The following MYT1L variants were observed in gnomAD, a reference collection of about 807,000 sequenced individuals.
MYT1L encodes myelin transcription factor 1-like protein.
In MYT1L, 12 loss-of-function variants were observed where a neutral mutation model predicts 126.7. That is an observed-to-expected ratio of 0.09 (90% confidence interval 0.06 to 0.15). The LOEUF is 0.15. Ranked by LOEUF, MYT1L falls within the 10% of genes least tolerant of loss-of-function variation. The pLI, the probability that MYT1L is intolerant of heterozygous loss-of-function variation, is 1.00. For missense variants in MYT1L, 979 were observed against 1,585.2 expected, an observed-to-expected ratio of 0.62 and a Z score of 6.49; for synonymous variants, 541 against 604.2, an observed-to-expected ratio of 0.90 and a Z score of 1.53.
chr2:1,970,417 A>G (rs2059722074), intron 8 of MYT1L, among the ~76,000 whole-genome samples: 1 of 152,112 alleles, frequency 6.6e-6, no homozygotes, highest in Admixed American at 6.5e-5. Context: ...GGACTCTCAT[A>G]CTTTCAGCCC....
chr2:2,020,888 C>T (rs140586239), intron 4 of MYT1L, among the ~76,000 whole-genome samples: 1 of 152,182 alleles, frequency 6.6e-6, no homozygotes, highest in Non-Finnish European at 1.5e-5. Flanking sequence ...AAAACAGGAA[C>T]CTGACCCAGT....
At chr2:1,976,214 T>G (rs1415757701) in intron 8 of MYT1L, among the ~76,000 whole-genome samples, 3 of 151,884 alleles carry the variant, frequency 2.0e-5, no homozygotes, top group Admixed American at 2.0e-4. Context: ...GGTGTCCTAT[T>G]CCCATCAGGA....
intron 21 of MYT1L, 47 bp downstream of exon 21, chr2:1,839,102 C>G: frequency 1.3e-6 from 2 of 1,526,308 alleles, no homozygotes; most frequent in Non-Finnish European, 1.8e-6. Context: ...CCAGTCGGCT[C>G]TCGGCGGCAC....
intron 8 of MYT1L, among the ~76,000 whole-genome samples, chr2:1,963,684 GAC>G (rs2059132206): frequency 6.6e-6 from 1 of 152,238 alleles, no homozygotes; most frequent in Non-Finnish European, 1.5e-5. Flanking sequence ...AAGTTATGGA[GAC>G]AGATTCTTCC....
intron 3 of MYT1L, among the ~76,000 whole-genome samples, chr2:2,144,498 C>T (rs1360527720): frequency 6.6e-6 from 1 of 152,218 alleles, no homozygotes; most frequent in Non-Finnish European, 1.5e-5. Flanking sequence ...TGTGCAGAAT[C>T]CCTGCCCCTG....
chr2:2,007,011 A>C (rs1381087037), intron 4 of MYT1L, among the ~76,000 whole-genome samples: 1 of 152,060 alleles, frequency 6.6e-6, no homozygotes, highest in African/African-American at 2.4e-5. Flanking sequence ...GCAGGATTGC[A>C]TTCTTCTTAA....
At chr2:2,178,655 C>A (rs2091091247) in intron 2 of MYT1L, among the ~76,000 whole-genome samples, 1 of 152,152 alleles carries the variant, frequency 6.6e-6, no homozygotes. Context: ...GGACTTATCA[C>A]CAAGGCAGAC....
rs529708645 is a variant in MYT1L at position 1,943,716 on chromosome 2, T to C, written c.153-382A>G. 1.9e-4 allele frequency among the ~76,000 whole-genome samples: 29 copies of C among 152,334 alleles called. No individual in the cohort carries two copies. The highest frequency in any genetic ancestry group is 1.2e-3 in the South Asian group (6 of 4,826). On this transcript the variant is annotated intron_variant, in intron 8 of 24. Coordinates refer to ENST00000647738, the MANE Select transcript of MYT1L (RefSeq NM_001303052.2). The surrounding 1 kb of genome is among the most constrained non-coding windows in gnomAD (Gnocchi z 4.4). ...TACCAAATATATACTATGTATAATA[T>C]ACATCTGAAGCAAGATTTATTTTAA... is the stretch of plus-strand genomic sequence containing the variant.
intron 15 of MYT1L, among the ~76,000 whole-genome samples, chr2:1,891,791 C>T (rs775631284): frequency 1.2e-4 from 19 of 152,348 alleles, no homozygotes; most frequent in Non-Finnish European, 1.8e-4. Context: ...GATCCATTCA[C>T]GCACGTTCAT....
intron 3 of MYT1L, among the ~76,000 whole-genome samples, chr2:2,111,388 G>C (rs2079437366): frequency 6.6e-6 from 1 of 152,214 alleles, no homozygotes; most frequent in African/African-American, 2.4e-5. Context: ...TGCTCCTCCA[G>C]AGATGGACGA....
At chr2:2,099,657 C>T (rs1389188284) in intron 3 of MYT1L, among the ~76,000 whole-genome samples, 1 of 152,188 alleles carries the variant, frequency 6.6e-6, no homozygotes, top group East Asian at 1.9e-4. Context: ...ATTTTAAGCT[C>T]TGGTTAAAAT....
rs1159042862 is a variant in MYT1L, at chr2:1,810,078, G to A, written c.3081-911C>T. On this transcript the variant is annotated intron_variant, in intron 21 of 24. Transcript: ENST00000647738. ...AGTCCTCACTGTGCTAAAGGCCAGGGGCCATCTGGCACTTAACTATGGGTG... is the reference window on the plus strand; with the variant it reads ...AGTCCTCACTGTGCTAAAGGCCAGGAGCCATCTGGCACTTAACTATGGGTG... 3 of 151,986 alleles carry A rather than the reference G, an allele frequency of 2.0e-5. No individual in the cohort carries two copies. In the South Asian group the frequency reaches 6.2e-4, roughly 32 times the overall value. 9.4% of individuals were successfully genotyped at this position (151,986 alleles called of 1,614,324 possible). A position where few individuals can be genotyped will look rare whatever the true frequency, so the allele number is the denominator to read the frequency against.
intron 23 of MYT1L, 78 bp from the exon 24 acceptor site, chr2:1,792,542 T>C: frequency 2.0e-6 from 3 of 1,475,002 alleles, no homozygotes; most frequent in Non-Finnish European, 2.8e-6. Flanking sequence ...GGCCACAGTC[T>C]ACTGGGTGCG....
At chr2:1,953,100 C>T (rs1205107729) in intron 8 of MYT1L, among the ~76,000 whole-genome samples, 1 of 151,710 alleles carries the variant, frequency 6.6e-6, no homozygotes. Flanking sequence ...GTAGCTAGGA[C>T]CACAGGGATA....
At chr2:1,901,802 G>C (rs900732945) in intron 14 of MYT1L, among the ~76,000 whole-genome samples, 4 of 152,162 alleles carry the variant, frequency 2.6e-5, no homozygotes, top group African/African-American at 7.2e-5. Context: ...TGGGATTATA[G>C]GCATGAGCCA....
At chr2:2,160,926 A>G (rs1472326300) in intron 3 of MYT1L, among the ~76,000 whole-genome samples, 2 of 152,124 alleles carry the variant, frequency 1.3e-5, no homozygotes, top group African/African-American at 2.4e-5. Context: ...CCAATTCAAA[A>G]ACAAACTGGG....
chr2:2,116,037 G>A (rs1465842836), intron 3 of MYT1L, among the ~76,000 whole-genome samples: 1 of 151,296 alleles, frequency 6.6e-6, no homozygotes, highest in Admixed American at 6.6e-5. Context: ...GATGCACCAC[G>A]TCCAGTCGAC....
chr2:2,266,790 G>A (rs1324426073), intron 2 of MYT1L, among the ~76,000 whole-genome samples: 4 of 152,080 alleles, frequency 2.6e-5, no homozygotes, highest in East Asian at 1.9e-4. Flanking sequence ...GAGATCTCAC[G>A]GTTTTATAAG....
intron 2 of MYT1L, among the ~76,000 whole-genome samples, chr2:2,244,502 C>G (rs933038043): frequency 6.6e-6 from 1 of 152,180 alleles, no homozygotes; most frequent in Non-Finnish European, 1.5e-5. Context: ...TCCCCATATT[C>G]TAAATGAGGA....
Sources: allele counts gnomAD v4.1 joint callset (sites outside exome capture counted in the v4.1 genomes callset), GRCh38; gene constraint gnomAD v4.1.1; non-coding constraint Gnocchi (gnomAD v3.1); transcripts MANE v1.5; gene names NCBI Gene and HGNC (gene_info 2026-07-23, HGNC 2026-07-21).